Variants in IRGM observed in about 807,000 individuals in gnomAD.
IRGM encodes immunity related GTPase M, also known as immunity-related GTPase family M protein.
For missense variants in IRGM, 288 were observed against 219.9 expected, an observed-to-expected ratio of 1.31 and a Z score of -1.96; for synonymous variants, 98 against 80.6, an observed-to-expected ratio of 1.22 and a Z score of -1.16.
intron 3 of IRGM, chr5:150,896,841 T>C (rs1375591288): frequency 1.9e-6 from 3 of 1,613,786 alleles, no homozygotes; most frequent in Non-Finnish European, 2.5e-6. Context: ...TCTCTGCAGC[T>C]GACCATCACC....
At position 150,847,949 on chromosome 5, in the gene IRGM, G is replaced by A. The variant is rs1457058014; in HGVS notation, c.-175G>A. 5.9e-5 allele frequency: 34 copies of A among 579,902 alleles called. No homozygotes were observed. The highest frequency in any genetic ancestry group is 2.6e-4 in the East Asian group (9 of 34,286). The allele number at this position is 579,902 out of a possible 1,614,324, so 35.9% of individuals were successfully genotyped here. A position where few individuals can be genotyped will look rare whatever the true frequency, so the allele number is the denominator to read the frequency against. ...TCCTGTATTAGCTGGGACTACAGGC[G>A]CACACCACCACGCGCAGCTAATTTT... is the stretch of plus-strand genomic sequence containing the variant. On this transcript the variant is annotated 5_prime_UTR_variant, in exon 2 of 2. Transcript: ENST00000522154.
chr5:150,893,703 CAACA>C (rs1209770297), intron 3 of IRGM, among the ~76,000 whole-genome samples: 4 of 152,060 alleles, frequency 2.6e-5, no homozygotes, highest in Non-Finnish European at 4.4e-5. Flanking sequence ...TGCCATTTAC[CAACA>C]GAGGGGAAGC....
At chr5:150,857,536 G>C (rs1398919555) in intron 1 of IRGM, among the ~76,000 whole-genome samples, 1 of 151,808 alleles carries the variant, frequency 6.6e-6, no homozygotes, top group East Asian at 1.9e-4. Flanking sequence ...CTAGTTTACA[G>C]TCCCACCAAC....
chr5:150,892,057 TAACTC>T (rs1394377011), intron 3 of IRGM, among the ~76,000 whole-genome samples: 1 of 152,150 alleles, frequency 6.6e-6, no homozygotes, highest in Non-Finnish European at 1.5e-5. Context: ...AGAATCATCT[TAACTC>T]ATTTAAAGAT....
rs1378958213 is a variant in IRGM, at chr5:150,896,181, T to C, written c.*141-4408T>C. ...GGCTTTCCCGCATTCACTACATTCA[T>C]AGGGTTTTTCCCCAGTGTGAACTCT... On this transcript the variant is annotated intron_variant and NMD_transcript_variant, in intron 3 of 3. Coordinates refer to the IRGM transcript ENST00000520549. The C allele has an allele frequency of 6.2e-7, 1 of 1,613,612 alleles. No homozygotes were observed. Among genetic ancestry groups the C allele is most frequent in the Non-Finnish European group, 8.5e-7 (1 of 1,179,808 alleles).
chr5:150,849,426 A>G (rs959544273), downstream of IRGM, among the ~76,000 whole-genome samples: 4 of 152,210 alleles, frequency 2.6e-5, no homozygotes, highest in African/African-American at 9.6e-5. Flanking sequence ...AATACACTCA[A>G]TCCAAAGGAA....
chr5:150,895,781 T>G lies in IRGM; in HGVS notation c.*141-4808T>G. ...ATTTATAGGGTTTTTCTCCAGTATGTGTTCTCTGATGTATGATGAGCTGTG... is the reference window on the plus strand; with the variant it reads ...ATTTATAGGGTTTTTCTCCAGTATGGGTTCTCTGATGTATGATGAGCTGTG... On this transcript the variant is annotated intron_variant and NMD_transcript_variant, in intron 3 of 3. Coordinates refer to the IRGM transcript ENST00000520549. 3 of 1,613,578 alleles carry G rather than the reference T, an allele frequency of 1.9e-6. No individual in the cohort carries two copies. In the South Asian group the frequency reaches 3.3e-5, roughly 18 times the overall value.
At chr5:150,860,872 G>A (rs908381708) in intron 1 of IRGM, among the ~76,000 whole-genome samples, 3 of 152,174 alleles carry the variant, frequency 2.0e-5, no homozygotes, top group Non-Finnish European at 4.4e-5. Flanking sequence ...CTAATTGTGA[G>A]ATCTAGGAAA....
chr5:150,882,598 T>G (rs1754461684), intron 3 of IRGM, among the ~76,000 whole-genome samples: 1 of 152,094 alleles, frequency 6.6e-6, no homozygotes, highest in Non-Finnish European at 1.5e-5. Flanking sequence ...AAAATAAACT[T>G]TAAGTCAAAA....
chr5:150,873,226 T>C (rs779921915), intron 1 of IRGM, among the ~76,000 whole-genome samples: 1 of 152,194 alleles, frequency 6.6e-6, no homozygotes, highest in Non-Finnish European at 1.5e-5. Flanking sequence ...CACTGCATTC[T>C]TACTTAATTT....
At chr5:150,894,937 C>A (rs1425461182) in intron 3 of IRGM, 1 of 152,620 alleles carries the variant, frequency 6.6e-6, no homozygotes, top group Non-Finnish European at 1.5e-5. Flanking sequence ...ATCTGATCAA[C>A]CTATCATTCC....
chr5:150,891,153 G>A (rs1352108883), intron 3 of IRGM, among the ~76,000 whole-genome samples: 1 of 152,074 alleles, frequency 6.6e-6, no homozygotes, highest in African/African-American at 2.4e-5. Flanking sequence ...ATGTTCTCAT[G>A]ATAAACTGAT....
intron 3 of IRGM, chr5:150,898,161 C>A: frequency 6.2e-7 from 1 of 1,613,490 alleles, no homozygotes; most frequent in South Asian, 1.1e-5. Flanking sequence ...TTGGAGATGA[C>A]ATCTGGTTTG....
chr5:150,898,432 T>A lies in IRGM; in HGVS notation c.*141-2157T>A, dbSNP rs574941544. ...ATTCAGGGAAGCCATCCTTACCCAT[T>A]GAGACCAGGTGGCTGTAGTTCTCCA... On this transcript the variant is annotated intron_variant and NMD_transcript_variant, in intron 3 of 3. Transcript: ENST00000520549. The A allele has an allele frequency of 3.2e-5, 51 of 1,613,364 alleles. No individual in the cohort carries two copies. The East Asian group carries it at 1.1e-3, about 36-fold the overall frequency.
chr5:150,896,990 T>A, intron 3 of IRGM: 1 of 1,585,886 alleles, frequency 6.3e-7, no homozygotes, highest in Non-Finnish European at 8.6e-7. Flanking sequence ...GAAGAAAAGA[T>A]ACAATTTAAG....
chr5:150,898,699 G>T, intron 3 of IRGM: 1 of 841,262 alleles, frequency 1.2e-6, no homozygotes, highest in Non-Finnish European at 1.8e-6. Flanking sequence ...GCAGAGCCAG[G>T]CATATGAGGA....
intron 1 of IRGM, among the ~76,000 whole-genome samples, chr5:150,856,120 A>C (rs1481902295): frequency 3.9e-5 from 6 of 152,136 alleles, no homozygotes; most frequent in Non-Finnish European, 8.8e-5. Flanking sequence ...TTATAAGTTA[A>C]ATATGTGATT....
At chr5:150,886,549 G>C (rs1035023933) in intron 3 of IRGM, among the ~76,000 whole-genome samples, 1 of 151,822 alleles carries the variant, frequency 6.6e-6, no homozygotes, top group Admixed American at 6.6e-5. Context: ...TTGGTTGGTA[G>C]GCTACTTGTT....
chr5:150,879,899 G>A (rs928178665), intron 3 of IRGM, among the ~76,000 whole-genome samples: 5 of 152,234 alleles, frequency 3.3e-5, no homozygotes, highest in Admixed American at 6.5e-5. Flanking sequence ...TAAGACTAAG[G>A]TGTGTCTTAA....
Sources: allele counts gnomAD v4.1 joint callset (sites outside exome capture counted in the v4.1 genomes callset), GRCh38; gene constraint gnomAD v4.1.1; transcripts MANE v1.5; gene names NCBI Gene and HGNC (gene_info 2026-07-23, HGNC 2026-07-21).